Variants in TFEB observed in about 807,000 individuals in gnomAD.
TFEB encodes the protein T-cell transcription factor EB.
A neutral mutation model predicts 48.0 loss-of-function variants in TFEB; 12 were observed. That is an observed-to-expected ratio of 0.25 (90% CI 0.16 to 0.40). The LOEUF (loss-of-function observed/expected upper bound fraction) is 0.40. Ranked by LOEUF, TFEB falls within the 10% of genes least tolerant of loss-of-function variation. The pLI, the probability that TFEB is intolerant of heterozygous loss-of-function variation, is 1.00. For synonymous variants in TFEB, 244 were observed against 261.4 expected (o/e 0.93, Z 0.64); for missense variants, 509 against 640.3 (o/e 0.79, Z 2.21).
chr6:41,685,523 G>A (rs958454942), intron 8 of TFEB, among the ~76,000 whole-genome samples: 1 of 152,134 alleles, frequency 6.6e-6, no homozygotes, highest in African/African-American at 2.4e-5. Flanking sequence ...TTGTGTAAAG[G>A]GCCAGCCTCA....
chr6:41,707,143 G>C (rs1770266437), intron 1 of TFEB, among the ~76,000 whole-genome samples: 1 of 152,152 alleles, frequency 6.6e-6, no homozygotes, highest in South Asian at 2.1e-4. Context: ...CTGGACCCAA[G>C]ATGCTTGAGC....
At chr6:41,726,448 C>CT (rs918685164) in intron 1 of TFEB, among the ~76,000 whole-genome samples, 181 of 150,340 alleles carry the variant, frequency 1.2e-3, no homozygotes, top group African/African-American at 4.1e-3. Context: ...TAGGGGTTCA[C>CT]TTTTTTTTTT....
chr6:41,686,942 T>C (rs1769041540), intron 7 of TFEB, 152 bp downstream of exon 7: 1 of 695,440 alleles, frequency 1.4e-6, no homozygotes, highest in East Asian at 2.7e-5. Flanking sequence ...CTTTCCTGAT[T>C]TGGGAGAGGG....
chr6:41,729,045 G>A (rs1771338810), intron 1 of TFEB, among the ~76,000 whole-genome samples: 1 of 152,042 alleles, frequency 6.6e-6, no homozygotes, highest in Non-Finnish European at 1.5e-5. Context: ...CCTGTGCCCA[G>A]TCACCTGAGG....
At position 41,730,627 on chromosome 6, in the gene TFEB, G is replaced by A. The variant is rs930654459; in HGVS notation, c.-23+4723C>T. Reference sequence around the variant, plus strand: ...TCTGCTCCTCTTGGCTCTCACCCACGGCTTTGCCATTTCACAGCAAAGCAT... The same window carrying A: ...TCTGCTCCTCTTGGCTCTCACCCACAGCTTTGCCATTTCACAGCAAAGCAT... On this transcript the variant is annotated intron_variant, in intron 1 of 8. Transcript: ENST00000373033. The surrounding 1 kb of genome is among the most constrained non-coding windows in gnomAD (Gnocchi z 4.1). Among the ~76,000 whole-genome samples, 1 of 152,178 alleles carries A rather than the reference G, an allele frequency of 6.6e-6. No homozygotes were observed. Among genetic ancestry groups the A allele is most frequent in the African/African-American group, 2.4e-5 (1 of 41,436 alleles).
At chr6:41,690,456 A>T (rs1312990525) in intron 3 of TFEB, among the ~76,000 whole-genome samples, 1 of 152,182 alleles carries the variant, frequency 6.6e-6, no homozygotes, top group Non-Finnish European at 1.5e-5. Flanking sequence ...GAAAGTAAGG[A>T]TGGCGTTTCC....
intron 1 of TFEB, among the ~76,000 whole-genome samples, chr6:41,699,681 A>G (rs140412864): frequency 4.4e-4 from 67 of 152,354 alleles, no homozygotes; most frequent in African/African-American, 1.6e-3. Flanking sequence ...GAGATACTTC[A>G]TAATATAGCC....
Position 41,723,266 on chromosome 6 carries a change from C to G in TFEB, c.-23+12084G>C, listed in dbSNP as rs986561847. Among the ~76,000 whole-genome samples the G allele has an allele frequency of 2.0e-4, 31 of 151,330 alleles. No homozygotes were observed. Among genetic ancestry groups the G allele is most frequent in the African/African-American group, 7.5e-4 (31 of 41,100 alleles). ...CCTTGGCCATGCTCAGAGACCCCCA[C>G]CCCTCCCCAAAGACATCCCAATGCC... On this transcript the variant is annotated intron_variant, in intron 1 of 8. Coordinates refer to ENST00000373033, the MANE Select transcript of TFEB (RefSeq NM_001271944.2). The surrounding 1 kb of genome is among the most constrained non-coding windows in gnomAD (Gnocchi z 6.0).
At chr6:41,699,641 G>A (rs1234326234) in intron 1 of TFEB, among the ~76,000 whole-genome samples, 1 of 152,166 alleles carries the variant, frequency 6.6e-6, no homozygotes, top group Non-Finnish European at 1.5e-5. Flanking sequence ...ATAAGTAGTC[G>A]GAGTGTTTAC....
Position 41,734,945 on chromosome 6 carries a change from G to A in TFEB, c.-23+405C>T. 1 of 985,474 alleles carries A rather than the reference G, an allele frequency of 1.0e-6. No homozygotes were observed. The highest frequency in any genetic ancestry group is 1.2e-6 in the Non-Finnish European group (1 of 829,988). 61.0% of individuals were successfully genotyped at this position (985,474 alleles called of 1,614,324 possible). On this transcript the variant is annotated intron_variant, in intron 1 of 8. Coordinates refer to ENST00000373033, the MANE Select transcript of TFEB (RefSeq NM_001271944.2). The surrounding 1 kb of genome is among the most constrained non-coding windows in gnomAD (Gnocchi z 4.0). ...TCGCCGGCCCCAGCCGTGTCCGGTG[G>A]AGGGGGAGTGGGCGCGGGGCCCGCG...
chr6:41,704,487 C>G (rs1020769737), intron 1 of TFEB, among the ~76,000 whole-genome samples: 1 of 152,198 alleles, frequency 6.6e-6, no homozygotes, highest in Non-Finnish European at 1.5e-5. Flanking sequence ...GTACTAGCTC[C>G]CTGCCTGGGT....
chr6:41,703,995 C>A (rs1770073175), intron 1 of TFEB, among the ~76,000 whole-genome samples: 1 of 152,164 alleles, frequency 6.6e-6, no homozygotes, highest in Admixed American at 6.5e-5. Context: ...CTGGAAAGTG[C>A]CAGAGGAGGC....
chr6:41,724,900 A>G lies in TFEB; in HGVS notation c.-23+10450T>C, dbSNP rs1464381946. On this transcript the variant is annotated intron_variant, in intron 1 of 8. Transcript: ENST00000373033. The surrounding 1 kb of genome is among the most constrained non-coding windows in gnomAD (Gnocchi z 4.4). ...ACCTGATGCCTCCAGCTTGGTGGAC[A>G]GGGAACACAGTCAAGGAAGAAGGGC... Among the ~76,000 whole-genome samples, 2 of 152,174 alleles carry G rather than the reference A, an allele frequency of 1.3e-5. No individual in the cohort carries two copies. Among genetic ancestry groups the G allele is most frequent in the African/African-American group, 4.8e-5 (2 of 41,440 alleles).
intron 8 of TFEB, among the ~76,000 whole-genome samples, chr6:41,685,403 C>T (rs1293919217): frequency 6.6e-6 from 1 of 152,116 alleles, no homozygotes; most frequent in Non-Finnish European, 1.5e-5. Flanking sequence ...ACGAGGGGAG[C>T]GTTACTTCAT....
rs912280262 is a variant in TFEB at position 41,691,139 on chromosome 6, C to T, written c.75G>A (p.Met25Ile). The T allele has an allele frequency of 6.3e-7, 1 of 1,589,154 alleles. No homozygotes were observed. Among genetic ancestry groups the T allele is most frequent in the Non-Finnish European group, 8.6e-7 (1 of 1,166,208 alleles). Residue 25 changes from methionine to isoleucine, a missense_variant, in exon 2 of 9, where the codon ATG (methionine) becomes ATA (isoleucine). Physicochemically the swap from Met to Ile is conservative, Grantham distance 10. This residue lies in a region of TFEB where 251 missense variants were observed against 317.2 expected (regional missense o/e 0.79). Transcript: ENST00000373033. The surrounding 1 kb of genome is among the most constrained non-coding windows in gnomAD (Gnocchi z 5.2). ...TGTAATGCATGACAGCCTGTTGCTG[C>T]ATGCGCTCCCGCTGCTCCTCCTGCT... Reference protein sequence around the residue: ...QAQQEEQRERMQQQAVMHYMQ... With the variant: ...QAQQEEQRERIQQQAVMHYMQ...
Position 41,684,450 on chromosome 6 carries a change from C to A in TFEB, c.*149G>T. On this transcript the variant is annotated 3_prime_UTR_variant, in exon 9 of 9. Transcript: ENST00000373033. ...GACCCCACAGGCTGCCAGACAGGCA[C>A]TAAGTCCAAACAGGGGCCAACGGGG... is the stretch of plus-strand genomic sequence containing the variant. 1 of 1,032,286 alleles carries A rather than the reference C, an allele frequency of 9.7e-7. No individual in the cohort carries two copies. Among genetic ancestry groups the A allele is most frequent in the Non-Finnish European group, 1.3e-6 (1 of 765,958 alleles). The allele number at this position is 1,032,286 out of a possible 1,614,324, so 63.9% of individuals were successfully genotyped here.
chr6:41,729,621 G>T (rs1294584843), intron 1 of TFEB, among the ~76,000 whole-genome samples: 2 of 152,208 alleles, frequency 1.3e-5, no homozygotes, highest in Non-Finnish European at 2.9e-5. Context: ...ATCCTTGTTT[G>T]TCCGCCTCAT....
At position 41,691,564 on chromosome 6, in the gene TFEB, C is replaced by T; in HGVS notation, c.-22-329G>A. The T allele has an allele frequency of 1.9e-6, 1 of 530,262 alleles. No individual in the cohort carries two copies. Among genetic ancestry groups the T allele is most frequent in the Non-Finnish European group, 3.5e-6 (1 of 285,642 alleles). The allele number at this position is 530,262 out of a possible 1,614,324, so 32.8% of individuals were successfully genotyped here. A position where few individuals can be genotyped will look rare whatever the true frequency, so the allele number is the denominator to read the frequency against. ...ATCCTGTTAGATCCGACCTCATATC[C>T]ACCCTCCTTTGCTGCCACAAGGTGG... On this transcript the variant is annotated intron_variant, in intron 1 of 8. Transcript: ENST00000373033. This position sits in a 1 kb window ranked among gnomAD's most constrained non-coding sequence, Gnocchi z 5.2.
chr6:41,702,111 CT>C (rs1360462944), intron 1 of TFEB, among the ~76,000 whole-genome samples: 1 of 152,066 alleles, frequency 6.6e-6, no homozygotes, highest in Non-Finnish European at 1.5e-5. Context: ...ATGTAGATGG[CT>C]TGTTGTCCCC....
Sources: allele counts gnomAD v4.1 joint callset (sites outside exome capture counted in the v4.1 genomes callset), GRCh38; gene constraint gnomAD v4.1.1; regional missense constraint gnomAD v4.1.1; non-coding constraint Gnocchi (gnomAD v3.1); transcripts MANE v1.5; gene names NCBI Gene and HGNC (gene_info 2026-07-23, HGNC 2026-07-21).